Variants in HS3ST4 observed in about 807,000 individuals in gnomAD.
HS3ST4 encodes the protein heparan sulfate-glucosamine 3-sulfotransferase 4.
HS3ST4 carries 17 observed loss-of-function variants against 29.2 expected under a neutral mutation model. The ratio of observed to expected loss-of-function variants is 0.58; its 90% confidence interval spans 0.40 to 0.87. The LOEUF (loss-of-function observed/expected upper bound fraction) is 0.87, where lower values mean the gene tolerates loss of function less well. HS3ST4 is among the 40% of genes least tolerant of loss of function. The pLI, the probability that HS3ST4 is intolerant of heterozygous loss-of-function variation, is 0.00. For missense variants in HS3ST4, 627 were observed against 634.5 expected, an observed-to-expected ratio of 0.99 and a Z score of 0.13; for synonymous variants, 314 against 285.7, an observed-to-expected ratio of 1.10 and a Z score of -1.00.
rs938555138 is a variant in HS3ST4, at chr16:25,907,670, CT to C, written c.734+214521del. 1.9e-4 allele frequency among the ~76,000 whole-genome samples: 29 copies of C among 152,180 alleles called. 1 individual carries two copies. The highest frequency in any genetic ancestry group is 7.0e-4 in the African/African-American group (29 of 41,448). ...GTCAATATTTACCCTGCTCAAAGTG[CT>C]TGATTAGGATTGTTCCTTCGGCACC... On this transcript the variant is annotated intron_variant, in intron 1 of 1. Coordinates refer to ENST00000331351, the MANE Select transcript of HS3ST4 (RefSeq NM_006040.3).
At chr16:26,044,711 G>C (rs2141761046) in intron 1 of HS3ST4, among the ~76,000 whole-genome samples, 1 of 148,534 alleles carries the variant, frequency 6.7e-6, no homozygotes, top group Admixed American at 6.7e-5. Flanking sequence ...TAGTCCACTG[G>C]ATGGGGCCAG....
At chr16:26,039,498 A>C (rs946072111) in intron 1 of HS3ST4, among the ~76,000 whole-genome samples, 1 of 152,098 alleles carries the variant, frequency 6.6e-6, no homozygotes, top group African/African-American at 2.4e-5. Context: ...TGTGGTATGC[A>C]TGAGATGTTT....
intron 1 of HS3ST4, among the ~76,000 whole-genome samples, chr16:26,031,707 T>G (rs1969532829): frequency 6.6e-6 from 1 of 151,290 alleles, no homozygotes; most frequent in Non-Finnish European, 1.5e-5. Flanking sequence ...GAGGCGTGTT[T>G]TTTTTTTTTT....
At chr16:26,022,998 T>G (rs1969429773) in intron 1 of HS3ST4, among the ~76,000 whole-genome samples, 1 of 152,018 alleles carries the variant, frequency 6.6e-6, no homozygotes. Context: ...GCCGAGGTCA[T>G]GCCATTGCAC....
intron 1 of HS3ST4, among the ~76,000 whole-genome samples, chr16:25,912,402 G>A (rs1968250141): frequency 6.6e-6 from 1 of 152,078 alleles, no homozygotes; most frequent in Non-Finnish European, 1.5e-5. Flanking sequence ...CCCCATTTCT[G>A]CTGGCTAACC....
chr16:25,971,933 A>G (rs1056969357), intron 1 of HS3ST4, among the ~76,000 whole-genome samples: 1 of 152,148 alleles, frequency 6.6e-6, no homozygotes, highest in South Asian at 2.1e-4. Context: ...TCCATCTCAA[A>G]AAAGAAAGAA....
chr16:25,984,509 GC>G (rs1357152235), intron 1 of HS3ST4, among the ~76,000 whole-genome samples: 1 of 152,182 alleles, frequency 6.6e-6, no homozygotes, highest in Non-Finnish European at 1.5e-5. Flanking sequence ...GCAGGTACCA[GC>G]CTATGGCCTG....
At chr16:25,775,338 C>G (rs1202462297) in intron 1 of HS3ST4, among the ~76,000 whole-genome samples, 1 of 152,186 alleles carries the variant, frequency 6.6e-6, no homozygotes, top group African/African-American at 2.4e-5. Context: ...CAGCACGTGA[C>G]TACAGAATGC....
At chr16:26,003,165 G>A (rs754043003) in intron 1 of HS3ST4, among the ~76,000 whole-genome samples, 3 of 152,140 alleles carry the variant, frequency 2.0e-5, no homozygotes, top group Non-Finnish European at 4.4e-5. Context: ...CTAACAACCA[G>A]AGATTATATA....
At chr16:26,029,206 A>G (rs1030978949) in intron 1 of HS3ST4, among the ~76,000 whole-genome samples, 10 of 152,188 alleles carry the variant, frequency 6.6e-5, no homozygotes, top group Non-Finnish European at 1.3e-4. Flanking sequence ...GGTCACTAGA[A>G]AAAAATGAGC....
At chr16:25,769,521 A>C (rs571171818) in intron 1 of HS3ST4, among the ~76,000 whole-genome samples, 1 of 152,130 alleles carries the variant, frequency 6.6e-6, no homozygotes, top group East Asian at 1.9e-4. Flanking sequence ...TCCATTTGTG[A>C]TGCTCTGAAA....
At chr16:25,724,710 ATC>A (rs1567227505) in intron 1 of HS3ST4, among the ~76,000 whole-genome samples, 1 of 152,158 alleles carries the variant, frequency 6.6e-6, no homozygotes, top group African/African-American at 2.4e-5. Context: ...CAGCGAAGTC[ATC>A]ACCTGAACCC....
At chr16:25,788,517 C>T (rs555194157) in intron 1 of HS3ST4, among the ~76,000 whole-genome samples, 1 of 148,502 alleles carries the variant, frequency 6.7e-6, no homozygotes, top group African/African-American at 2.5e-5. Flanking sequence ...TCTCTATCTT[C>T]CTACATTTTT....
rs564376586 is a variant in HS3ST4 at position 26,137,052 on chromosome 16, G to A, written c.*804G>A. 6 of 152,234 alleles carry A rather than the reference G, an allele frequency of 3.9e-5. No homozygotes were observed. Among genetic ancestry groups the A allele is most frequent in the African/African-American group, 1.4e-4 (6 of 41,506 alleles). The allele number at this position is 152,234 out of a possible 1,614,324, so 9.4% of individuals were successfully genotyped here. ...CCCACAGGGCTGCTCAAAGAGTAGA[G>A]TAATTGTAACCGAGGTCAGAGCTCT... is the stretch of plus-strand genomic sequence containing the variant. On this transcript the variant is annotated 3_prime_UTR_variant, in exon 2 of 2. Transcript: ENST00000331351.
intron 1 of HS3ST4, among the ~76,000 whole-genome samples, chr16:25,930,682 A>G (rs1968453675): frequency 1.3e-5 from 2 of 152,222 alleles, no homozygotes; most frequent in East Asian, 1.9e-4. Flanking sequence ...GTCTTTTCCT[A>G]TCTCCTTGTT....
chr16:25,789,407 C>A (rs868804504), intron 1 of HS3ST4, among the ~76,000 whole-genome samples: 1 of 69,514 alleles, frequency 1.4e-5, no homozygotes, highest in Admixed American at 1.3e-4. Flanking sequence ...TTGTTTTTTC[C>A]TTCCTTCCTT....
chr16:26,002,085 G>A (rs941443620), intron 1 of HS3ST4, among the ~76,000 whole-genome samples: 1 of 152,114 alleles, frequency 6.6e-6, no homozygotes, highest in African/African-American at 2.4e-5. Flanking sequence ...GAGGTGAATA[G>A]GGAACTCTGG....
At chr16:26,084,807 AT>A (rs1898766543) in intron 1 of HS3ST4, among the ~76,000 whole-genome samples, 1 of 151,614 alleles carries the variant, frequency 6.6e-6, no homozygotes, top group Admixed American at 6.6e-5. Context: ...ACAGGGCCTT[AT>A]TTTGTTGCCC....
rs547757884 is a variant in HS3ST4 at position 25,760,368 on chromosome 16, C to G, written c.734+67217C>G. ...TTGGTCTGTATTTTCTGTCTAATCC[C>G]TTTTGTTATAAGAACACCTGTCTGT... On this transcript the variant is annotated intron_variant, in intron 1 of 1. Transcript: ENST00000331351. Among the ~76,000 whole-genome samples, 42 of 150,976 alleles carry G rather than the reference C, an allele frequency of 2.8e-4. 1 individual carries two copies. The highest frequency in any genetic ancestry group is 2.6e-3 in the Admixed American group (39 of 15,110).
Sources: allele counts gnomAD v4.1 joint callset (sites outside exome capture counted in the v4.1 genomes callset), GRCh38; gene constraint gnomAD v4.1.1; transcripts MANE v1.5; gene names NCBI Gene and HGNC (gene_info 2026-07-23, HGNC 2026-07-21).